Variants in PIGN observed in about 807,000 individuals in gnomAD.
PIGN encodes the protein phosphatidylinositol glycan anchor biosynthesis class N, also known as GPI ethanolamine phosphate transferase 1.
A neutral mutation model predicts 125.4 loss-of-function variants in PIGN; 117 were observed. That is an observed-to-expected ratio of 0.93 (90% CI 0.80 to 1.09). The LOEUF (loss-of-function observed/expected upper bound fraction) is 1.09. Ranked by LOEUF, PIGN falls within the 50% of genes least tolerant of loss-of-function variation. PIGN has a pLI of 0.00. For synonymous variants in PIGN, 392 were observed against 377.8 expected (o/e 1.04, Z -0.44); for missense variants, 1,075 against 1,094.9 (o/e 0.98, Z 0.26).
chr18:62,171,797 C>T (rs897615650), intron 1 of PIGN, among the ~76,000 whole-genome samples: 12 of 152,122 alleles, frequency 7.9e-5, no homozygotes, highest in Middle Eastern at 3.2e-3. Flanking sequence ...AAATGTTAAA[C>T]GCATCTTACA....
intron 20 of PIGN, 37 bp downstream of exon 20, chr18:62,105,506 G>A (rs1006270296): frequency 6.8e-6 from 8 of 1,175,842 alleles, no homozygotes; most frequent in Non-Finnish European, 9.9e-6. Flanking sequence ...AAAAAAAAGT[G>A]TATTGAAAAT....
At chr18:62,023,312 A>C (rs2030076607) in intron 23 of PIGN, among the ~76,000 whole-genome samples, 1 of 152,226 alleles carries the variant, frequency 6.6e-6, no homozygotes, top group Non-Finnish European at 1.5e-5. Context: ...GATATTTTAT[A>C]AAATCATACA....
At chr18:62,116,785 C>A in intron 14 of PIGN, among the ~76,000 whole-genome samples, 1 of 151,720 alleles carries the variant, frequency 6.6e-6, no homozygotes. Context: ...TATTGCAGAC[C>A]TAAAAAAGGA....
chr18:62,180,435 A>T (rs2147969544), intron 1 of PIGN, among the ~76,000 whole-genome samples: 1 of 152,284 alleles, frequency 6.6e-6, no homozygotes, highest in African/African-American at 2.4e-5. Context: ...TGACTGGCAA[A>T]GTGTCCATAC....
intron 30 of PIGN, among the ~76,000 whole-genome samples, chr18:62,060,800 C>T (rs891690): frequency 0.35 from 52,663 of 152,014 alleles, 10,139 homozygotes; most frequent in East Asian, 0.7. Context: ...TCTGAATATA[C>T]GTTTTTATAG....
chr18:62,115,074 A>C (rs1203121661), intron 14 of PIGN, among the ~76,000 whole-genome samples: 2 of 152,174 alleles, frequency 1.3e-5, no homozygotes, highest in Non-Finnish European at 2.9e-5. Flanking sequence ...AGGGCCTGAG[A>C]ATTCTTATTA....
chr18:62,057,015 T>C (rs1236631702), intron 30 of PIGN, among the ~76,000 whole-genome samples: 2 of 152,142 alleles, frequency 1.3e-5, no homozygotes, highest in Non-Finnish European at 2.9e-5. Flanking sequence ...CCTGCACCCT[T>C]CACCCCATCC....
intron 7 of PIGN, among the ~76,000 whole-genome samples, chr18:62,151,877 C>G (rs569018842): frequency 6.6e-6 from 1 of 152,290 alleles, no homozygotes; most frequent in East Asian, 1.9e-4. Flanking sequence ...ATAGCTTAGC[C>G]TGGCCTACTG....
At chr18:62,130,967 A>G (rs1370848551) in intron 14 of PIGN, among the ~76,000 whole-genome samples, 2 of 152,168 alleles carry the variant, frequency 1.3e-5, no homozygotes, top group Non-Finnish European at 2.9e-5. Flanking sequence ...TAAATGAATA[A>G]TATTTTTCTA....
chr18:62,128,020 A>T (rs1349946967), intron 14 of PIGN, among the ~76,000 whole-genome samples: 1 of 152,102 alleles, frequency 6.6e-6, no homozygotes, highest in Non-Finnish European at 1.5e-5. Context: ...ATCCTTATGA[A>T]ATTTTCTAAC....
intron 23 of PIGN, among the ~76,000 whole-genome samples, chr18:62,021,081 T>C (rs1390041230): frequency 2.0e-5 from 3 of 152,124 alleles, no homozygotes; most frequent in Non-Finnish European, 4.4e-5. Flanking sequence ...CTTTGGAATA[T>C]AGTTTGGAAA....
chr18:62,114,739 A>G (rs1252340989), intron 14 of PIGN, 100 bp from the exon 15 acceptor site: 3 of 538,030 alleles, frequency 5.6e-6, no homozygotes, highest in African/African-American at 2.0e-5. Context: ...GAAAATTACA[A>G]AACAGCAAAC....
At chr18:62,161,017 C>G in intron 4 of PIGN, 116 bp downstream of exon 4, 1 of 635,138 alleles carries the variant, frequency 1.6e-6, no homozygotes, top group Non-Finnish European at 2.7e-6. Flanking sequence ...GTGCCCTATT[C>G]TCTTTCTCAT....
At chr18:62,113,986 T>C (rs937628021) in intron 15 of PIGN, among the ~76,000 whole-genome samples, 4 of 152,162 alleles carry the variant, frequency 2.6e-5, no homozygotes, top group Non-Finnish European at 5.9e-5. Context: ...TCTAAAATAT[T>C]ATACATTAAG....
rs9807643 is a variant in PIGN at position 62,106,635 on chromosome 18, C to A, written c.1767+154G>T. On this transcript the variant is annotated intron_variant, in intron 19 of 30. Transcript: ENST00000640252. ...GTCTAAGTGAATTACTGAAACCTTA[C>A]AGGTAATGTCAGTCCTCCTATCAAT... Among the ~76,000 whole-genome samples, 25,971 of 152,182 alleles carry A rather than the reference C, an allele frequency of 0.17. 2,947 individuals are homozygous for A. Among genetic ancestry groups the A allele is most frequent in the Middle Eastern group, 0.29 (84 of 294 alleles).
At chr18:62,082,775 A>C (rs1277191809) in intron 27 of PIGN, 29 bp from the exon 28 acceptor site, 2 of 1,185,890 alleles carry the variant, frequency 1.7e-6, no homozygotes, top group African/African-American at 1.5e-5. Context: ...TGATGCAAGG[A>C]ATAACTGAAG....
intron 16 of PIGN, among the ~76,000 whole-genome samples, chr18:62,110,319 C>T (rs1026859665): frequency 3.3e-5 from 5 of 152,094 alleles, no homozygotes; most frequent in Non-Finnish European, 1.5e-5. Flanking sequence ...GGATAACTCG[C>T]AAAAGCCTAT....
intron 30 of PIGN, among the ~76,000 whole-genome samples, chr18:62,063,126 G>A (rs2032282537): frequency 6.6e-6 from 1 of 151,336 alleles, no homozygotes; most frequent in Non-Finnish European, 1.5e-5. Flanking sequence ...AGCAAACACA[G>A]GTAATAAATG....
chr18:62,115,153 T>C (rs1463049477), intron 14 of PIGN, among the ~76,000 whole-genome samples: 1 of 152,196 alleles, frequency 6.6e-6, no homozygotes, highest in East Asian at 1.9e-4. Context: ...ATTTGCTATT[T>C]TTATACTATA....
Sources: allele counts gnomAD v4.1 joint callset (sites outside exome capture counted in the v4.1 genomes callset), GRCh38; gene constraint gnomAD v4.1.1; transcripts MANE v1.5; gene names NCBI Gene and HGNC (gene_info 2026-07-23, HGNC 2026-07-21).